The following ACOX3 variants were observed in gnomAD, a reference collection of about 807,000 sequenced individuals.
ACOX3 encodes peroxisomal acyl-coenzyme A oxidase 3.
In ACOX3, 73 loss-of-function variants were observed where a neutral mutation model predicts 81.5. The ratio of observed to expected loss-of-function variants is 0.90; its 90% confidence interval spans 0.74 to 1.09. ACOX3 has a LOEUF of 1.09. Ranked by LOEUF, ACOX3 falls within the 50% of genes least tolerant of loss-of-function variation. ACOX3 has a pLI of 0.00. For missense variants in ACOX3, 947 were observed against 928.0 expected (o/e 1.02, Z -0.27); for synonymous variants, 387 against 375.1 (o/e 1.03, Z -0.37).
rs1723162221 is a variant in ACOX3 at position 8,423,476 on chromosome 4, C to CT, written c.-14-6942_-14-6941insA. ...CACCAAAGGCAGTACCCTCTTAGAC[C>CT]CGAGGCCCAACAAGGACTCCAAAAG... On this transcript the variant is annotated intron_variant, in intron 1 of 17. Coordinates refer to ENST00000356406, the MANE Select transcript of ACOX3 (RefSeq NM_003501.3). This position sits in a 1 kb window ranked among gnomAD's most constrained non-coding sequence, Gnocchi z 4.2. 6.6e-6 allele frequency among the ~76,000 whole-genome samples: 1 copy of CT among 152,114 alleles called. No homozygotes were observed. Among genetic ancestry groups the CT allele is most frequent in the Non-Finnish European group, 1.5e-5 (1 of 68,016 alleles).
chr4:8,409,746 A>C (rs964631659), intron 6 of ACOX3, among the ~76,000 whole-genome samples: 1 of 136,238 alleles, frequency 7.3e-6, no homozygotes, highest in Non-Finnish European at 1.5e-5. Flanking sequence ...TGTGGGATAC[A>C]CTTTGGGCAG....
intron 1 of ACOX3, among the ~76,000 whole-genome samples, chr4:8,426,573 C>T (rs899630299): frequency 2.7e-5 from 4 of 147,516 alleles, no homozygotes; most frequent in East Asian, 2.1e-4. Context: ...CCCTCCATGC[C>T]GCTATACTAC....
chr4:8,405,990 T>C lies in ACOX3; in HGVS notation c.741A>G (p.Ile247Met), dbSNP rs766461461. ...LPMPGVMVGD[I>M]GKKLGQNGLD... is the part of the protein sequence containing the mutation. ...GACCGTTCTGCCCGAGTTTTTTTCC[T>C]ATGTCGCCAACCATCACTCCAGGCA... is the stretch of plus-strand genomic sequence containing the variant. The change falls in exon 7 of 18, where the codon ATA becomes ATG. Residue 247 changes from isoleucine (I) to methionine (M), a missense_variant. Physicochemically the swap from Ile to Met is conservative, Grantham distance 10 (BLOSUM62 1). Coordinates refer to ENST00000356406, the MANE Select transcript of ACOX3 (RefSeq NM_003501.3). The surrounding 1 kb of genome is among the most constrained non-coding windows in gnomAD (Gnocchi z 7.1). 7.4e-6 allele frequency: 12 copies of C among 1,614,034 alleles called. No homozygotes were observed. Among genetic ancestry groups the C allele is most frequent in the Non-Finnish European group, 7.6e-6 (9 of 1,180,036 alleles).
At position 8,375,131 on chromosome 4, in the gene ACOX3, C is replaced by G. The variant is rs1160615100; in HGVS notation, c.1675G>C (p.Ala559Pro). The change falls in exon 15 of 18, where the codon GCG (alanine) becomes CCG (proline). Residue 559 changes from alanine (A) to proline (P), a missense_variant. By Grantham distance (27) the Ala-to-Pro change is conservative (BLOSUM62 -1). Coordinates refer to ENST00000356406, the MANE Select transcript of ACOX3 (RefSeq NM_003501.3). ...ACCGTGAGCTCCACGAAGGCCAGCG[C>G]CAACGGACGGCCGTGGGACACCTGG... Reference protein sequence around the residue: ...KCQVSHGRPLALAFVELTVVQ... With the variant: ...KCQVSHGRPLPLAFVELTVVQ... 6.5e-7 allele frequency: 1 copy of G among 1,549,604 alleles called. No homozygotes were observed. Among genetic ancestry groups the G allele is most frequent in the Non-Finnish European group, 8.7e-7 (1 of 1,145,534 alleles).
chr4:8,369,761 G>A lies in ACOX3; in HGVS notation c.1983+1147C>T, dbSNP rs150935575. 4.1e-4 allele frequency among the ~76,000 whole-genome samples: 62 copies of A among 152,354 alleles called. 1 individual carries two copies. In the East Asian group the frequency reaches 0.012, roughly 29 times the overall value. On this transcript the variant is annotated intron_variant, in intron 17 of 17. Coordinates refer to ENST00000356406, the MANE Select transcript of ACOX3 (RefSeq NM_003501.3). ...ACTGAGGGAGGGTCCTGCCCACTAA[G>A]GCTCAATCTCCATTTGGGCAGAGAC...
At position 8,368,792 on chromosome 4, in the gene ACOX3, G is replaced by A. The variant is rs1425140864; in HGVS notation, c.1984-1712C>T. Among the ~76,000 whole-genome samples, 3 of 150,960 alleles carry A rather than the reference G, an allele frequency of 2.0e-5. No homozygotes were observed. The highest frequency in any genetic ancestry group is 4.2e-4 in the South Asian group (2 of 4,770). On this transcript the variant is annotated intron_variant, in intron 17 of 17. Coordinates refer to ENST00000356406, the MANE Select transcript of ACOX3 (RefSeq NM_003501.3). The surrounding 1 kb of genome is among the most constrained non-coding windows in gnomAD (Gnocchi z 5.9). Reference sequence around the variant, plus strand: ...TGGCCAGGCTGGAGTGCAGTGGCGCGATCACTGCCCACCACAGCCTCGACC... The same window carrying A: ...TGGCCAGGCTGGAGTGCAGTGGCGCAATCACTGCCCACCACAGCCTCGACC...
In ACOX3 at chr4:8,405,492, CTCTT is replaced by C. The variant is rs1720834787; in HGVS notation, c.776+459_776+462del. Among the ~76,000 whole-genome samples the C allele has an allele frequency of 6.6e-6, 1 of 152,202 alleles. No homozygotes were observed. Among genetic ancestry groups the C allele is most frequent in the Non-Finnish European group, 1.5e-5 (1 of 68,038 alleles). On this transcript the variant is annotated intron_variant, in intron 7 of 17. Coordinates refer to ENST00000356406, the MANE Select transcript of ACOX3 (RefSeq NM_003501.3). This position sits in a 1 kb window ranked among gnomAD's most constrained non-coding sequence, Gnocchi z 7.1. ...ATTAAACAAATAAGCCAGCGGAATT[CTCTT>C]TCTAAGTGCTGTGACACTGGGATTA...
At chr4:8,380,484 T>C (rs556360065) in intron 14 of ACOX3, among the ~76,000 whole-genome samples, 43 of 152,304 alleles carry the variant, frequency 2.8e-4, no homozygotes, top group Non-Finnish European at 4.4e-4. Context: ...CCACTGCACC[T>C]GGCCCAATCT....
At chr4:8,415,457 A>G (rs1054804698) in intron 3 of ACOX3, among the ~76,000 whole-genome samples, 1 of 140,052 alleles carries the variant, frequency 7.1e-6, no homozygotes, top group African/African-American at 2.6e-5. Flanking sequence ...TGTATGAGGT[A>G]AAAAAAAAAA....
rs560834940 is a variant in ACOX3 at position 8,407,416 on chromosome 4, G to A, written c.688-1373C>T. 2.6e-5 allele frequency among the ~76,000 whole-genome samples: 4 copies of A among 152,308 alleles called. No individual in the cohort carries two copies. The South Asian group carries it at 6.2e-4, about 24-fold the overall frequency. On this transcript the variant is annotated intron_variant, in intron 6 of 17. Transcript: ENST00000356406. This position sits in a 1 kb window ranked among gnomAD's most constrained non-coding sequence, Gnocchi z 4.6. ...GCCGCCCACATGGGGCCACAGGCCT[G>A]GGGCCACCAGGAGCTGAAAGAGATA...
intron 13 of ACOX3, among the ~76,000 whole-genome samples, chr4:8,388,699 G>A (rs1366415953): frequency 6.6e-6 from 1 of 152,216 alleles, no homozygotes; most frequent in Non-Finnish European, 1.5e-5. Flanking sequence ...CTGTGCCACA[G>A]GGGCCGAGTG....
At chr4:8,412,639 C>A (rs1223248661) in intron 5 of ACOX3, among the ~76,000 whole-genome samples, 8 of 152,188 alleles carry the variant, frequency 5.3e-5, no homozygotes, top group Non-Finnish European at 1.2e-4. Context: ...TGCCACACAA[C>A]AGTCCTCCCT....
chr4:8,390,769 G>T (rs542051475), intron 11 of ACOX3, among the ~76,000 whole-genome samples: 1 of 152,132 alleles, frequency 6.6e-6, no homozygotes, highest in Non-Finnish European at 1.5e-5. Context: ...GATCCTGAGA[G>T]CATGAAAGGA....
Position 8,414,088 on chromosome 4 carries a change from T to A in ACOX3, c.543+204A>T, listed in dbSNP as rs1200867791. On this transcript the variant is annotated intron_variant, in intron 5 of 17. Transcript: ENST00000356406. The surrounding 1 kb of genome is among the most constrained non-coding windows in gnomAD (Gnocchi z 6.1). ...GATCAATTCCCCATAAAGTTCATGG[T>A]GGGCACAGGCTTTGTCCTCCAATGC... Among the ~76,000 whole-genome samples the A allele has an allele frequency of 1.3e-5, 2 of 152,214 alleles. No homozygotes were observed. Among genetic ancestry groups the A allele is most frequent in the Non-Finnish European group, 2.9e-5 (2 of 68,034 alleles).
rs545311931 is a variant in ACOX3, at chr4:8,423,241, G to T, written c.-14-6706C>A. 6.6e-6 allele frequency among the ~76,000 whole-genome samples: 1 copy of T among 152,196 alleles called. No individual in the cohort carries two copies. The highest frequency in any genetic ancestry group is 1.9e-4 in the East Asian group (1 of 5,182). On this transcript the variant is annotated intron_variant, in intron 1 of 17. Transcript: ENST00000356406. The surrounding 1 kb of genome is among the most constrained non-coding windows in gnomAD (Gnocchi z 4.2). Reference sequence around the variant, plus strand: ...TCTTTTCACTTGCCTTTCTAATTATGCCTGAAACCCCCACACCCTTGTTAG... The same window carrying T: ...TCTTTTCACTTGCCTTTCTAATTATTCCTGAAACCCCCACACCCTTGTTAG...
At chr4:8,356,568 C>T in the ACOX3 span, 2 of 456,578 alleles carry the variant, frequency 4.4e-6, no homozygotes, top group Non-Finnish European at 8.8e-6. Context: ...GAAAACCACA[C>T]ACACGTACAC....
At chr4:8,420,316 G>C (rs1722802603) in intron 1 of ACOX3, among the ~76,000 whole-genome samples, 1 of 152,216 alleles carries the variant, frequency 6.6e-6, no homozygotes, top group Admixed American at 6.5e-5. Flanking sequence ...TTCTAGCTGG[G>C]TGACCTTCCT....
chr4:8,373,685 T>C (rs1716560591), intron 15 of ACOX3, 57 bp from the exon 16 acceptor site: 14 of 1,521,414 alleles, frequency 9.2e-6, no homozygotes, highest in Middle Eastern at 3.4e-4. Context: ...CCACCCCCAA[T>C]ACCAACATGC....
At chr4:8,395,364 G>C (rs1220236086) in intron 9 of ACOX3, among the ~76,000 whole-genome samples, 1 of 142,176 alleles carries the variant, frequency 7.0e-6, no homozygotes, top group East Asian at 2.1e-4. Flanking sequence ...GGGTGGATGC[G>C]TGGACAGGTG....
Sources: gnomAD v4.1 joint callset for allele counts (sites outside exome capture counted in the v4.1 genomes callset) on GRCh38, gnomAD v4.1.1 for gene constraint, Gnocchi (gnomAD v3.1) non-coding constraint, MANE v1.5 for transcripts, NCBI Gene and HGNC (gene_info 2026-07-23, HGNC 2026-07-21) for gene names.